SGCD: variants seen among roughly 807,000 people sequenced by gnomAD.
The protein encoded by SGCD is delta-sarcoglycan.
A neutral mutation model predicts 36.6 loss-of-function variants in SGCD; 18 were observed. That is an observed-to-expected ratio of 0.49 (90% CI 0.34 to 0.73). The LOEUF is 0.73. Ranked by LOEUF, SGCD falls within the 30% of genes least tolerant of loss-of-function variation. SGCD has a pLI of 0.01. For synonymous variants in SGCD, 133 were observed against 130.6 expected, an observed-to-expected ratio of 1.02 and a Z score of -0.12; for missense variants, 387 against 346.7, an observed-to-expected ratio of 1.12 and a Z score of -0.92.
intron 1 of SGCD, among the ~76,000 whole-genome samples, chr5:156,020,389 A>G (rs1018189547): frequency 2.0e-5 from 3 of 152,200 alleles, no homozygotes; most frequent in East Asian, 1.9e-4. Flanking sequence ...GAATAGGGCT[A>G]TACTGTCACT....
chr5:156,078,557 ATATTTATATATATATTTATATT>A (rs1003324621), intron 1 of SGCD, among the ~76,000 whole-genome samples: 1 of 120,272 alleles, frequency 8.3e-6, no homozygotes, highest in Non-Finnish European at 1.6e-5. Flanking sequence ...ATATATATTT[ATATTTATATATATATTTATATT>A]TATATATATT....
At position 155,974,946 on chromosome 5, in the gene SGCD, G is replaced by C. The variant is rs149395450; in HGVS notation, c.-282+104522G>C. 3.9e-3 allele frequency among the ~76,000 whole-genome samples: 596 copies of C among 152,126 alleles called. 5 individuals are homozygous for C. Among genetic ancestry groups the C allele is most frequent in the African/African-American group, 0.014 (561 of 41,518 alleles). ...TTCCTTTCTGCCTACCCTCTCCCAA[G>C]TCTATTTTCTGTGCCCAAAAGCATC... On this transcript the variant is annotated intron_variant, in intron 1 of 9. Coordinates refer to the SGCD transcript ENST00000517913.
chr5:156,554,975 T>G (rs1327398511), intron 4 of SGCD, among the ~76,000 whole-genome samples: 2 of 152,214 alleles, frequency 1.3e-5, no homozygotes, highest in Non-Finnish European at 2.9e-5. Context: ...TGCATTTCCC[T>G]AATCACTAAT....
the SGCD span, among the ~76,000 whole-genome samples, chr5:155,820,441 C>T: frequency 6.6e-6 from 1 of 152,008 alleles, no homozygotes; most frequent in Admixed American, 6.6e-5. Context: ...GGGTAAATTG[C>T]TCGAGCTCTG....
chr5:156,391,918 T>C (rs1204375988), intron 3 of SGCD, among the ~76,000 whole-genome samples: 1 of 152,246 alleles, frequency 6.6e-6, no homozygotes, highest in East Asian at 1.9e-4. Context: ...TCATGAGAAG[T>C]TGTTGTGCCA....
chr5:156,742,515 G>C (rs1009782548), intron 7 of SGCD, among the ~76,000 whole-genome samples: 1 of 151,878 alleles, frequency 6.6e-6, no homozygotes. Context: ...TCTTCCACCT[G>C]GATAATAACA....
chr5:156,681,839 T>C (rs747971769), intron 7 of SGCD, among the ~76,000 whole-genome samples: 1 of 152,250 alleles, frequency 6.6e-6, no homozygotes, highest in Non-Finnish European at 1.5e-5. Context: ...TTATTCTCAA[T>C]TTGAGGTTAC....
upstream of SGCD, among the ~76,000 whole-genome samples, chr5:156,325,174 C>T (rs555567738): frequency 9.9e-5 from 15 of 151,952 alleles, no homozygotes; most frequent in South Asian, 1.5e-3. Context: ...TGGAAAGTAG[C>T]GGTATAGCTG....
At chr5:156,216,380 C>T (rs1764574317) in intron 3 of SGCD, among the ~76,000 whole-genome samples, 1 of 152,100 alleles carries the variant, frequency 6.6e-6, no homozygotes, top group African/African-American at 2.4e-5. Context: ...CTCAATTTAG[C>T]CATTCCACGG....
chr5:155,781,999 A>G, the SGCD span, among the ~76,000 whole-genome samples: 1 of 149,914 alleles, frequency 6.7e-6, no homozygotes, highest in Non-Finnish European at 1.5e-5. Context: ...CATTTCAATC[A>G]CAGCCATACT....
upstream of SGCD, among the ~76,000 whole-genome samples, chr5:156,324,991 A>G (rs758154017): frequency 1.3e-5 from 2 of 152,178 alleles, no homozygotes; most frequent in African/African-American, 2.4e-5. Context: ...GTAATTGTTA[A>G]TAGTCTTCTA....
At chr5:156,420,099 A>T (rs982406946) in intron 3 of SGCD, among the ~76,000 whole-genome samples, 21 of 152,114 alleles carry the variant, frequency 1.4e-4, no homozygotes, top group African/African-American at 4.8e-4. Context: ...TGGCCATAGT[A>T]ACATTGCAAA....
intron 3 of SGCD, among the ~76,000 whole-genome samples, chr5:156,279,247 G>T (rs1474878458): frequency 6.6e-6 from 1 of 152,098 alleles, no homozygotes; most frequent in African/African-American, 2.4e-5. Context: ...GTTCTTTTTT[G>T]TAAGTTTCTG....
intron 1 of SGCD, among the ~76,000 whole-genome samples, chr5:155,969,928 CT>C (rs1243373394): frequency 1.3e-5 from 2 of 150,364 alleles, no homozygotes; most frequent in Admixed American, 6.6e-5. Flanking sequence ...AAACTCTTTG[CT>C]TTTTTTTTCA....
At chr5:156,560,361 T>G (rs1417707512) in intron 4 of SGCD, among the ~76,000 whole-genome samples, 1 of 152,146 alleles carries the variant, frequency 6.6e-6, no homozygotes, top group Non-Finnish European at 1.5e-5. Flanking sequence ...GTAATTAAAT[T>G]TAAGTAATGT....
chr5:156,393,916 C>T, intron 3 of SGCD: 1 of 443,250 alleles, frequency 2.3e-6, no homozygotes, highest in Non-Finnish European at 4.6e-6. Flanking sequence ...GTCGTTGACA[C>T]TCACAAGAGA....
At chr5:156,224,013 C>T (rs578165934) in intron 3 of SGCD, among the ~76,000 whole-genome samples, 1 of 151,870 alleles carries the variant, frequency 6.6e-6, no homozygotes, top group African/African-American at 2.4e-5. Flanking sequence ...CAAATGTCAA[C>T]ACAAAGAAGT....
Position 156,589,307 on chromosome 5 carries a change from A to T in SGCD, c.371A>T (p.Gln124Leu). The T allele has an allele frequency of 6.4e-7, 1 of 1,563,168 alleles. No individual in the cohort carries two copies. The highest frequency in any genetic ancestry group is 8.7e-7 in the Non-Finnish European group (1 of 1,150,238). ...ILNDQTKVLTQLITGPKAVEA... is the reference protein window; with the variant it reads ...ILNDQTKVLTLLITGPKAVEA... ...AATGACCAGACTAAAGTGCTAACTC[A>T]GCTTATAACAGGTAAGAAAAGGGAG... Residue 124 changes from glutamine to leucine, a missense_variant, in exon 5 of 9, where the codon CAG becomes CTG. Transcript: ENST00000337851.
At chr5:155,811,455 C>A in the SGCD span, among the ~76,000 whole-genome samples, 2 of 152,284 alleles carry the variant, frequency 1.3e-5, no homozygotes, top group South Asian at 4.2e-4. Flanking sequence ...CATTTATGGT[C>A]CATTGTTCAG....
Sources: gnomAD v4.1 joint callset for allele counts (sites outside exome capture counted in the v4.1 genomes callset) on GRCh38, gnomAD v4.1.1 for gene constraint, MANE v1.5 for transcripts, NCBI Gene and HGNC (gene_info 2026-07-23, HGNC 2026-07-21) for gene names.